COBL: variants seen among roughly 807,000 people sequenced by gnomAD.
The protein encoded by COBL is protein cordon-bleu.
In COBL, 51 loss-of-function variants were observed where a neutral mutation model predicts 98.8. The observed-to-expected ratio is 0.52, with a 90% CI of 0.41 to 0.65. The LOEUF is 0.65. Ranked by LOEUF, COBL falls within the 30% of genes least tolerant of loss-of-function variation. The probability of loss-of-function intolerance (pLI) is 0.00; values close to 1 mark genes in which losing one functional copy is unlikely to be tolerated. For synonymous variants in COBL, 634 were observed against 651.7 expected (o/e 0.97, Z 0.41); for missense variants, 1,617 against 1,617.5 (o/e 1.00, Z 0.01).
rs1054331582 is a variant in COBL at position 51,104,387 on chromosome 7, G to A, written c.958-19083C>T. 4.6e-5 allele frequency among the ~76,000 whole-genome samples: 7 copies of A among 152,300 alleles called. No homozygotes were observed. The East Asian group carries it at 7.7e-4, about 17-fold the overall frequency. ...GCAGAGCAAGAGATGAGAGCACAGC[G>A]TGGTGGCCCCACTCACACCCTGGAG... On this transcript the variant is annotated intron_variant, in intron 6 of 12. Coordinates refer to ENST00000265136, the MANE Select transcript of COBL (RefSeq NM_015198.5).
intron 4 of COBL, among the ~76,000 whole-genome samples, chr7:51,190,294 A>T (rs1016605436): frequency 2.6e-5 from 4 of 152,094 alleles, no homozygotes; most frequent in Non-Finnish European, 5.9e-5. Context: ...GTGCAGCTTC[A>T]ACCTCCTGGG....
rs150183973 is a variant in COBL at position 51,017,452 on chromosome 7, T to A, written c.*99A>T. 1,144 of 1,287,022 alleles carry A rather than the reference T, an allele frequency of 8.9e-4. 14 individuals are homozygous for A. In the African/African-American group the frequency reaches 0.014, roughly 16 times the overall value. The allele number at this position is 1,287,022 out of a possible 1,614,324, so 79.7% of individuals were successfully genotyped here. On this transcript the variant is annotated 3_prime_UTR_variant, in exon 13 of 13. Transcript: ENST00000265136. ...CGCATTTGGCCTGTAGACAAGAAAG[T>A]AACACCAAAACTTGATGTTCCTGGC...
At chr7:51,128,664 C>A (rs770079538) in intron 6 of COBL, among the ~76,000 whole-genome samples, 1 of 152,242 alleles carries the variant, frequency 6.6e-6, no homozygotes, top group Non-Finnish European at 1.5e-5. Context: ...CTCCAGCCCA[C>A]ACGGCTGCTC....
At chr7:51,123,794 T>C (rs974222735) in intron 6 of COBL, among the ~76,000 whole-genome samples, 1 of 152,208 alleles carries the variant, frequency 6.6e-6, no homozygotes, top group African/African-American at 2.4e-5. Flanking sequence ...AAGTGACTCA[T>C]TGCAGTGCTA....
chr7:51,155,663 A>G (rs1178280797), intron 5 of COBL, among the ~76,000 whole-genome samples: 1 of 150,126 alleles, frequency 6.7e-6, no homozygotes, highest in Non-Finnish European at 1.5e-5. Context: ...ATTTCTACAG[A>G]TTTCAACTCC....
chr7:51,301,131 G>A (rs558381232), intron 1 of COBL, among the ~76,000 whole-genome samples: 1 of 152,122 alleles, frequency 6.6e-6, no homozygotes, highest in Non-Finnish European at 1.5e-5. Context: ...GCTCTGAAGC[G>A]GCCCCCTCCA....
At position 51,266,396 on chromosome 7, in the gene COBL, T is replaced by A. The variant is rs55692347; in HGVS notation, c.42-46452A>T. Among the ~76,000 whole-genome samples, 1,018 of 152,084 alleles carry A rather than the reference T, an allele frequency of 6.7e-3. 7 individuals carry two copies. The highest frequency in any genetic ancestry group is 0.02 in the Middle Eastern group (6 of 294). On this transcript the variant is annotated intron_variant, in intron 1 of 12. Coordinates refer to ENST00000265136, the MANE Select transcript of COBL (RefSeq NM_015198.5). Reference sequence around the variant, plus strand: ...GAGTTTGAGACCATCCTGACCAACATGGAGAAACCCCATCTCTACTAAAAA... The same window carrying A: ...GAGTTTGAGACCATCCTGACCAACAAGGAGAAACCCCATCTCTACTAAAAA...
chr7:51,200,022 A>G (rs1457576424), intron 2 of COBL, among the ~76,000 whole-genome samples: 2 of 152,216 alleles, frequency 1.3e-5, no homozygotes, highest in African/African-American at 4.8e-5. Flanking sequence ...GACAATTTTG[A>G]AAGCAGCAAG....
intron 1 of COBL, among the ~76,000 whole-genome samples, chr7:51,244,797 A>C (rs1796143726): frequency 6.6e-6 from 1 of 152,136 alleles, no homozygotes; most frequent in Non-Finnish European, 1.5e-5. Flanking sequence ...AAGTCCCGGA[A>C]GACCTCGCCC....
chr7:51,188,056 G>T, intron 4 of COBL: 1 of 990,082 alleles, frequency 1.0e-6, no homozygotes, highest in Non-Finnish European at 1.3e-6. Context: ...GAGGGGGGCT[G>T]TCCTGCTGCA....
chr7:51,095,106 G>A (rs189839587), intron 6 of COBL, among the ~76,000 whole-genome samples: 5 of 152,310 alleles, frequency 3.3e-5, no homozygotes, highest in African/African-American at 1.2e-4. Flanking sequence ...ATAAAGGAAG[G>A]AGGTTTAATT....
At chr7:51,229,042 T>C (rs1794471627) in intron 1 of COBL, among the ~76,000 whole-genome samples, 1 of 152,220 alleles carries the variant, frequency 6.6e-6, no homozygotes, top group Non-Finnish European at 1.5e-5. Context: ...AGCTGTCCCC[T>C]GCCCTTGCCT....
At chr7:51,312,024 T>A (rs900077825) in intron 1 of COBL, among the ~76,000 whole-genome samples, 2 of 151,928 alleles carry the variant, frequency 1.3e-5, no homozygotes, top group African/African-American at 4.8e-5. Context: ...AAACACCATA[T>A]AATAAATACA....
chr7:51,265,953 G>A (rs565074649), intron 1 of COBL, among the ~76,000 whole-genome samples: 1 of 152,148 alleles, frequency 6.6e-6, no homozygotes, highest in South Asian at 2.1e-4. Flanking sequence ...CAGTGAATTG[G>A]CGTTTCCCTA....
chr7:51,095,249 A>C (rs576910716), intron 6 of COBL, among the ~76,000 whole-genome samples: 2 of 152,154 alleles, frequency 1.3e-5, no homozygotes, highest in Non-Finnish European at 2.9e-5. Context: ...AAACCATCAG[A>C]TCTCATGGGA....
In COBL at chr7:51,213,468, A is replaced by G. The variant is rs1792678466; in HGVS notation, c.245+6273T>C. Among the ~76,000 whole-genome samples the G allele has an allele frequency of 2.0e-5, 3 of 152,080 alleles. No homozygotes were observed. In the South Asian group the frequency reaches 6.2e-4, roughly 32 times the overall value. ...CATCCCCAGCCTGGTCTGTGGAAAA[A>G]CTGTCTTCCACAAAACCAGTCCCTG... is the stretch of plus-strand genomic sequence containing the variant. On this transcript the variant is annotated intron_variant, in intron 2 of 12. Transcript: ENST00000265136.
chr7:51,091,547 T>A (rs980947046), intron 6 of COBL, among the ~76,000 whole-genome samples: 3 of 152,058 alleles, frequency 2.0e-5, no homozygotes, highest in East Asian at 3.9e-4. Context: ...GCCAAGGGGA[T>A]GAAAATATGC....
intron 1 of COBL, among the ~76,000 whole-genome samples, chr7:51,299,981 G>A (rs1276686370): frequency 6.6e-6 from 1 of 152,148 alleles, no homozygotes; most frequent in Admixed American, 6.5e-5. Context: ...CCAGTCCACG[G>A]ACCACACCTG....
At chr7:51,250,053 G>T (rs950348627) in intron 1 of COBL, among the ~76,000 whole-genome samples, 4 of 151,928 alleles carry the variant, frequency 2.6e-5, no homozygotes, top group Non-Finnish European at 4.4e-5. Flanking sequence ...AGTAAGCCAA[G>T]ATCGCACCAC....
Sources: allele counts gnomAD v4.1 joint callset (sites outside exome capture counted in the v4.1 genomes callset), GRCh38; gene constraint gnomAD v4.1.1; transcripts MANE v1.5; gene names NCBI Gene and HGNC (gene_info 2026-07-23, HGNC 2026-07-21).